KCNQ1: variants seen among roughly 807,000 people sequenced by gnomAD.
KCNQ1 encodes potassium voltage-gated channel subfamily Q member 1.
In KCNQ1, 49 loss-of-function variants were observed where a neutral mutation model predicts 72.4. That is an observed-to-expected ratio of 0.68 (90% CI 0.54 to 0.86). The LOEUF (loss-of-function observed/expected upper bound fraction) is 0.86. Among genes scored for constraint, KCNQ1 ranks in the 40% least tolerant of loss-of-function variants. The probability of loss-of-function intolerance (pLI) is 0.00; values close to 1 mark genes in which losing one functional copy is unlikely to be tolerated. For missense variants in KCNQ1, 790 were observed against 945.1 expected (o/e 0.84, Z 2.15); for synonymous variants, 450 against 412.6 (o/e 1.09, Z -1.10).
chr11:2,584,481 TAGTG>T (rs1004094028), intron 7 of KCNQ1, among the ~76,000 whole-genome samples: 69 of 149,690 alleles, frequency 4.6e-4, no homozygotes, highest in African/African-American at 1.5e-3. Context: ...ATGTTAGTGT[TAGTG>T]TGTGTTAGTA....
chr11:2,522,784 C>T (rs545015262), intron 1 of KCNQ1, among the ~76,000 whole-genome samples: 4 of 152,344 alleles, frequency 2.6e-5, no homozygotes, highest in South Asian at 2.1e-4. Context: ...TCCCAACCCC[C>T]GGGCCTGGAG....
intron 6 of KCNQ1, among the ~76,000 whole-genome samples, chr11:2,580,929 G>C (rs561945284): frequency 1.3e-5 from 2 of 152,224 alleles, no homozygotes; most frequent in African/African-American, 2.4e-5. Flanking sequence ...TCTGCAGAGC[G>C]GAGGCAGAGC....
intron 1 of KCNQ1, among the ~76,000 whole-genome samples, chr11:2,499,526 G>T (rs4930116): frequency 5.2e-5 from 3 of 57,246 alleles, no homozygotes; most frequent in African/African-American, 1.2e-4. Flanking sequence ...ATGGACCCCT[G>T]CCCCCACAAA....
At position 2,668,256 on chromosome 11, in the gene KCNQ1, C is replaced by T. The variant is rs1347100538; in HGVS notation, c.1514+6175C>T. 1 of 398,626 alleles carries T rather than the reference C, an allele frequency of 2.5e-6. No individual in the cohort carries two copies. The highest frequency in any genetic ancestry group is 3.6e-5 in the East Asian group (1 of 28,076). The allele number at this position is 398,626 out of a possible 1,614,324, so 24.7% of individuals were successfully genotyped here. ...AGCAGGCAGTTTCTGGTGTAGGTTGCTGTTTAAGAATATTCTGTACATGCT... is the reference window on the plus strand; with the variant it reads ...AGCAGGCAGTTTCTGGTGTAGGTTGTTGTTTAAGAATATTCTGTACATGCT... On this transcript the variant is annotated intron_variant, in intron 11 of 15. Coordinates refer to ENST00000155840, the MANE Select transcript of KCNQ1 (RefSeq NM_000218.3). The surrounding 1 kb of genome is among the most constrained non-coding windows in gnomAD (Gnocchi z 4.3).
intron 6 of KCNQ1, 28 bp downstream of exon 6, chr11:2,573,014 A>G (rs1360574541): frequency 1.2e-6 from 2 of 1,609,070 alleles, no homozygotes; most frequent in Non-Finnish European, 1.7e-6. Context: ...AGGCATGGGG[A>G]CAGGGGCAGC....
At position 2,461,420 on chromosome 11, in the gene KCNQ1, G is replaced by A. The variant is rs114463475; in HGVS notation, c.386+15936G>A. The stretch of plus-strand genomic sequence containing the variant: ...AGCCTGCTGACTGGGTGAGCCGGCC[G>A]GGGCGGGGGTGGCCCCTCTTCCCTT... On this transcript the variant is annotated intron_variant, in intron 1 of 15. Transcript: ENST00000155840. The A allele has an allele frequency of 2.3e-4, 295 of 1,277,692 alleles. 1 individual carries two copies. Among genetic ancestry groups the A allele is most frequent in the Admixed American group, 3.5e-4 (15 of 43,150 alleles). The allele number at this position is 1,277,692 out of a possible 1,614,324, so 79.1% of individuals were successfully genotyped here. A position where few individuals can be genotyped will look rare whatever the true frequency, so the allele number is the denominator to read the frequency against.
intron 10 of KCNQ1, chr11:2,632,617 CAG>C (rs2133818190): frequency 2.5e-6 from 1 of 398,308 alleles, no homozygotes; most frequent in East Asian, 3.6e-5. Context: ...ATAATCAAAT[CAG>C]GGTAATTAGC....
rs1214858439 is a variant in KCNQ1 at position 2,620,898 on chromosome 11, A to ATGG, written c.1393+32045_1393+32047dup. On this transcript the variant is annotated intron_variant, in intron 10 of 15. Coordinates refer to ENST00000155840, the MANE Select transcript of KCNQ1 (RefSeq NM_000218.3). The surrounding 1 kb of genome is among the most constrained non-coding windows in gnomAD (Gnocchi z 4.5). ...TAATTGCCATTCTGACTGGTGTGAG[A>ATGG]TGGCATCCCATTATGGTTTGGTGTT... The ATGG allele has an allele frequency of 5.1e-6, 2 of 395,282 alleles. No individual in the cohort carries two copies. The highest frequency in any genetic ancestry group is 2.1e-5 in the African/African-American group (1 of 47,858). The allele number at this position is 395,282 out of a possible 1,614,324, so 24.5% of individuals were successfully genotyped here.
In KCNQ1 at chr11:2,698,638, A is replaced by G; in HGVS notation, c.1514+36557A>G. 1 of 398,348 alleles carries G rather than the reference A, an allele frequency of 2.5e-6. No individual in the cohort carries two copies. The highest frequency in any genetic ancestry group is 4.4e-6 in the Non-Finnish European group (1 of 225,996). 24.7% of individuals were successfully genotyped at this position (398,348 alleles called of 1,614,324 possible). Reference sequence around the variant, plus strand: ...CTCCCATACCCCACTGAGACCTCTAACCCCAATCCCAATCTCTTAACTCAG... The same window carrying G: ...CTCCCATACCCCACTGAGACCTCTAGCCCCAATCCCAATCTCTTAACTCAG... On this transcript the variant is annotated intron_variant, in intron 11 of 15. Coordinates refer to ENST00000155840, the MANE Select transcript of KCNQ1 (RefSeq NM_000218.3). This position sits in a 1 kb window ranked among gnomAD's most constrained non-coding sequence, Gnocchi z 5.1.
rs2133627147 is a variant in KCNQ1 at position 2,491,422 on chromosome 11, G to T, written c.387-36506G>T. The stretch of plus-strand genomic sequence containing the variant: ...AAAATAAGAATCAAGCAGAAATTCT[G>T]GAGTTGAAAAATGCAGCTGACATAT... On this transcript the variant is annotated intron_variant, in intron 1 of 15. Transcript: ENST00000155840. The surrounding 1 kb of genome is among the most constrained non-coding windows in gnomAD (Gnocchi z 4.1). 6.6e-6 allele frequency among the ~76,000 whole-genome samples: 1 copy of T among 152,318 alleles called. No homozygotes were observed. Among genetic ancestry groups the T allele is most frequent in the African/African-American group, 2.4e-5 (1 of 41,558 alleles).
chr11:2,618,721 T>A (rs1241084660), intron 10 of KCNQ1: 6 of 398,512 alleles, frequency 1.5e-5, no homozygotes, highest in South Asian at 2.5e-4. Context: ...TTTAAAAAAA[T>A]TTTCCATGGG....
rs118101760 is a variant in KCNQ1, at chr11:2,708,037, C to G, written c.1514+45956C>G. ...CAGCCAACCTCCCAAAGCACCAGGC[C>G]CCTCAGGGCTGTTCCCCTGTTTCCC... On this transcript the variant is annotated intron_variant, in intron 11 of 15. Transcript: ENST00000155840. Among the ~76,000 whole-genome samples the G allele has an allele frequency of 6.4e-4, 97 of 152,350 alleles. No individual in the cohort carries two copies. In the East Asian group the frequency reaches 0.014, roughly 23 times the overall value.
intron 11 of KCNQ1, among the ~76,000 whole-genome samples, chr11:2,736,317 G>T (rs1369674665): frequency 6.6e-6 from 1 of 152,174 alleles, no homozygotes; most frequent in Non-Finnish European, 1.5e-5. Flanking sequence ...GCCGTATCTG[G>T]GATCTGGGGC....
At chr11:2,589,171 C>T (rs1287212289) in intron 10 of KCNQ1, among the ~76,000 whole-genome samples, 1 of 152,168 alleles carries the variant, frequency 6.6e-6, no homozygotes, top group African/African-American at 2.4e-5. Context: ...TCCTCCCAGC[C>T]GAGCCCACGG....
At chr11:2,569,164 G>T (rs1283414854) in intron 2 of KCNQ1, among the ~76,000 whole-genome samples, 3 of 152,178 alleles carry the variant, frequency 2.0e-5, no homozygotes, top group Non-Finnish European at 4.4e-5. Flanking sequence ...GATTACAGGC[G>T]TGAGCCCCCG....
intron 10 of KCNQ1, chr11:2,632,722 G>C (rs190381467): frequency 5.0e-6 from 2 of 398,302 alleles, no homozygotes; most frequent in African/African-American, 4.1e-5. Flanking sequence ...TATTATCCAA[G>C]TTCATCCATG....
intron 15 of KCNQ1, among the ~76,000 whole-genome samples, chr11:2,825,622 A>G (rs1847822297): frequency 6.6e-6 from 1 of 152,228 alleles, no homozygotes; most frequent in African/African-American, 2.4e-5. Context: ...CTGGGAACAC[A>G]GGGGAAAGTA....
intron 11 of KCNQ1, chr11:2,681,504 A>G (rs1250231718): frequency 2.5e-6 from 1 of 398,404 alleles, no homozygotes; most frequent in Non-Finnish European, 4.4e-6. Flanking sequence ...AGTAAAGTCA[A>G]ACTGGTCCAG....
rs1847859426 is a variant in KCNQ1, at chr11:2,827,321, G to C, written c.1795-20446G>C. 6.6e-6 allele frequency among the ~76,000 whole-genome samples: 1 copy of C among 152,086 alleles called. No individual in the cohort carries two copies. The highest frequency in any genetic ancestry group is 1.5e-5 in the Non-Finnish European group (1 of 68,000). ...GATGTGTGCCTGGTGAATCAGCCTG[G>C]CCCCAGACCTCCTCTCTCTGCTTGC... On this transcript the variant is annotated intron_variant, in intron 15 of 15. Transcript: ENST00000155840. This position sits in a 1 kb window ranked among gnomAD's most constrained non-coding sequence, Gnocchi z 6.7.
Sources: gnomAD v4.1 joint callset for allele counts (sites outside exome capture counted in the v4.1 genomes callset) on GRCh38, gnomAD v4.1.1 for gene constraint, Gnocchi (gnomAD v3.1) non-coding constraint, MANE v1.5 for transcripts, NCBI Gene and HGNC (gene_info 2026-07-23, HGNC 2026-07-21) for gene names.